The following GALNT17 variants were observed in gnomAD, a reference collection of about 807,000 sequenced individuals.
The protein encoded by GALNT17 is polypeptide N-acetylgalactosaminyltransferase 17.
In GALNT17, 29 loss-of-function variants were observed where a neutral mutation model predicts 63.7. The observed-to-expected ratio is 0.46, with a 90% CI of 0.34 to 0.62. The LOEUF (loss-of-function observed/expected upper bound fraction) is 0.62, where lower values mean the gene tolerates loss of function less well. GALNT17 is among the 20% of genes least tolerant of loss of function. GALNT17 has a pLI of 0.01. For missense variants in GALNT17, 603 were observed against 799.6 expected (o/e 0.75, Z 2.97); for synonymous variants, 305 against 318.3 (o/e 0.96, Z 0.45).
At chr7:71,631,898 G>T (rs528554296) in intron 6 of GALNT17, among the ~76,000 whole-genome samples, 52 of 151,788 alleles carry the variant, frequency 3.4e-4, no homozygotes, top group Non-Finnish European at 7.4e-4. Context: ...GGGTTAACTC[G>T]CCCAGCTGAG....
intron 1 of GALNT17, among the ~76,000 whole-genome samples, chr7:71,212,565 C>T (rs1161169383): frequency 6.6e-6 from 1 of 152,158 alleles, no homozygotes; most frequent in Non-Finnish European, 1.5e-5. Flanking sequence ...ACAGCTTGCA[C>T]CGTGCACCTG....
chr7:71,644,563 AAAG>A (rs1790649319), intron 6 of GALNT17, among the ~76,000 whole-genome samples: 1 of 150,298 alleles, frequency 6.7e-6, no homozygotes, highest in Admixed American at 6.6e-5. Flanking sequence ...AAGAAAAAAA[AAAG>A]AAGAGAAAGA....
chr7:71,228,632 C>T (rs1225494849), intron 1 of GALNT17, among the ~76,000 whole-genome samples: 1 of 152,166 alleles, frequency 6.6e-6, no homozygotes, highest in African/African-American at 2.4e-5. Context: ...CTTGTGGCGG[C>T]ATCACTCTAT....
At chr7:71,508,251 G>T (rs1277573217) in intron 5 of GALNT17, among the ~76,000 whole-genome samples, 1 of 152,186 alleles carries the variant, frequency 6.6e-6, no homozygotes, top group Non-Finnish European at 1.5e-5. Flanking sequence ...CCGTAAGCGT[G>T]TGACATTGAT....
rs762495552 is a variant in GALNT17, at chr7:71,420,942, C to T, written c.799C>T (p.Arg267Trp). 21 of 1,614,024 alleles carry T rather than the reference C, an allele frequency of 1.3e-5. No homozygotes were observed. In the Admixed American group the frequency reaches 2.0e-4, roughly 15 times the overall value. Residue 267 changes from arginine to tryptophan, a missense_variant, in exon 5 of 11, where the codon CGG becomes TGG. This residue lies in a region of GALNT17 where 336 missense variants were observed against 507.8 expected (regional missense o/e 0.66). Transcript: ENST00000333538. ...EPVLSRIQEN[R>W]KRVILPSIDN... ...GGTTCTATCCCGCATCCAGGAAAAC[C>T]GGAAGCGTGTGATCCTCCCCTCCAT...
intron 6 of GALNT17, among the ~76,000 whole-genome samples, chr7:71,636,965 CA>C (rs1388634302): frequency 2.0e-5 from 3 of 152,242 alleles, no homozygotes; most frequent in African/African-American, 7.2e-5. Flanking sequence ...GGCCAGGATT[CA>C]AATCCCAGCT....
intron 1 of GALNT17, among the ~76,000 whole-genome samples, chr7:71,231,112 C>T (rs1789780194): frequency 2.0e-5 from 3 of 152,116 alleles, no homozygotes; most frequent in Admixed American, 1.3e-4. Flanking sequence ...AATTATTCCT[C>T]TTTTTCTTAA....
intron 3 of GALNT17, among the ~76,000 whole-genome samples, chr7:71,397,941 T>TTGTTGTTGTTG (rs1554365195): frequency 1.2e-3 from 177 of 150,808 alleles, no homozygotes; most frequent in East Asian, 8.3e-3. Context: ...CATTATTGTC[T>TTGTTGTTGTTG]TTGTTGTTGT....
intron 1 of GALNT17, among the ~76,000 whole-genome samples, chr7:71,198,334 C>T (rs1438714958): frequency 3.3e-5 from 5 of 152,054 alleles, no homozygotes; most frequent in Admixed American, 1.3e-4. Flanking sequence ...AATAACTAAC[C>T]GAAATGGGTG....
intron 5 of GALNT17, among the ~76,000 whole-genome samples, chr7:71,533,601 C>T (rs966766936): frequency 4.6e-5 from 7 of 152,118 alleles, no homozygotes; most frequent in East Asian, 1.9e-4. Context: ...TGGAATAAGG[C>T]GGCATTATCT....
chr7:71,165,737 T>A (rs1788428554), intron 1 of GALNT17, among the ~76,000 whole-genome samples: 1 of 152,182 alleles, frequency 6.6e-6, no homozygotes, highest in African/African-American at 2.4e-5. Flanking sequence ...GCAAATGAAA[T>A]TTGCTTTACT....
At chr7:71,187,282 CTTTCTTTTT>C (rs199654473) in intron 1 of GALNT17, among the ~76,000 whole-genome samples, 3,327 of 141,084 alleles carry the variant, frequency 0.024, 144 homozygotes, top group Admixed American at 0.1. Flanking sequence ...GCTAATTTTT[CTTTCTTTTT>C]TTTTTTTTTT....
chr7:71,355,337 C>T (rs1792263794), intron 2 of GALNT17, among the ~76,000 whole-genome samples: 1 of 151,966 alleles, frequency 6.6e-6, no homozygotes, highest in Admixed American at 6.6e-5. Context: ...GAATGTTTTT[C>T]TTCTTAATGC....
rs200441738 is a variant in GALNT17, at chr7:71,536,996, C to G, written c.963-34289C>G. On this transcript the variant is annotated intron_variant, in intron 5 of 10. Transcript: ENST00000333538. ...AACATACCATGCGCATTCAAACCTC[C>G]GTTCCTGCCTCTGTGAACCCATCAT... Among the ~76,000 whole-genome samples, 10 of 152,250 alleles carry G rather than the reference C, an allele frequency of 6.6e-5. No homozygotes were observed. The South Asian group carries it at 2.1e-3, about 32-fold the overall frequency.
intron 1 of GALNT17, among the ~76,000 whole-genome samples, chr7:71,231,558 A>G (rs1789788915): frequency 1.3e-5 from 2 of 152,042 alleles, no homozygotes; most frequent in South Asian, 2.1e-4. Flanking sequence ...TTTTTCCCCC[A>G]TGATTCTGAA....
intron 5 of GALNT17, among the ~76,000 whole-genome samples, chr7:71,493,984 A>T (rs536746524): frequency 1.6e-4 from 25 of 152,066 alleles, no homozygotes; most frequent in African/African-American, 6.0e-4. Context: ...TTTTTTTAAG[A>T]GGCAGGGTGT....
intron 6 of GALNT17, among the ~76,000 whole-genome samples, chr7:71,611,987 T>G (rs924175209): frequency 6.6e-6 from 1 of 152,148 alleles, no homozygotes; most frequent in African/African-American, 2.4e-5. Context: ...AGCCACAATT[T>G]GGGTGCAAGT....
At chr7:71,313,672 T>G (rs1791449323) in intron 1 of GALNT17, among the ~76,000 whole-genome samples, 1 of 152,152 alleles carries the variant, frequency 6.6e-6, no homozygotes, top group South Asian at 2.1e-4. Context: ...AAAAGCTCAT[T>G]AGGGAAGAGA....
At chr7:71,170,520 G>A (rs910619111) in intron 1 of GALNT17, among the ~76,000 whole-genome samples, 1 of 152,030 alleles carries the variant, frequency 6.6e-6, no homozygotes, top group African/African-American at 2.4e-5. Flanking sequence ...ATTTTTAGTA[G>A]AGACGGGGTT....
Sources: gnomAD v4.1 joint callset for allele counts (sites outside exome capture counted in the v4.1 genomes callset) on GRCh38, gnomAD v4.1.1 for gene constraint, gnomAD v4.1.1 regional missense constraint, MANE v1.5 for transcripts, NCBI Gene and HGNC (gene_info 2026-07-23, HGNC 2026-07-21) for gene names.